Variants in DCC observed in about 807,000 individuals in gnomAD.
DCC encodes DCC netrin 1 receptor.
A neutral mutation model predicts 172.5 loss-of-function variants in DCC; 58 were observed. The ratio of observed to expected loss-of-function variants is 0.34; its 90% confidence interval spans 0.27 to 0.42. DCC has a LOEUF of 0.42. DCC is among the 10% of genes least tolerant of loss of function. The probability of loss-of-function intolerance (pLI) is 1.00; values close to 1 mark genes in which losing one functional copy is unlikely to be tolerated. For missense variants in DCC, 1,740 were observed against 1,791.0 expected, an observed-to-expected ratio of 0.97 and a Z score of 0.51; for synonymous variants, 709 against 644.5, an observed-to-expected ratio of 1.10 and a Z score of -1.52.
intron 12 of DCC, among the ~76,000 whole-genome samples, chr18:53,250,315 A>G (rs866487575): frequency 1.3e-5 from 2 of 151,946 alleles, no homozygotes; most frequent in Non-Finnish European, 2.9e-5. Flanking sequence ...AAACTAATTT[A>G]AAAAAATGAG....
At chr18:53,428,384 T>TTAC (rs1491319523) in intron 21 of DCC, among the ~76,000 whole-genome samples, 1 of 87,364 alleles carries the variant, frequency 1.1e-5, no homozygotes, top group African/African-American at 4.6e-5. Context: ...TATAATATAT[T>TTAC]GTATATAATA....
At chr18:52,342,929 C>T (rs962045284) in intron 1 of DCC, among the ~76,000 whole-genome samples, 1 of 152,092 alleles carries the variant, frequency 6.6e-6, no homozygotes, top group African/African-American at 2.4e-5. Flanking sequence ...TGTATTACTG[C>T]TTCATTTTAA....
At chr18:53,308,452 A>G (rs565117440) in intron 13 of DCC, among the ~76,000 whole-genome samples, 1 of 146,278 alleles carries the variant, frequency 6.8e-6, no homozygotes, top group Admixed American at 6.7e-5. Flanking sequence ...ATGAAAAACA[A>G]TAAGTTAAAA....
At chr18:52,715,282 C>A (rs1214151047) in intron 1 of DCC, among the ~76,000 whole-genome samples, 1 of 106,152 alleles carries the variant, frequency 9.4e-6, no homozygotes, top group African/African-American at 3.7e-5. Context: ...AAAAACACTA[C>A]ATTTTTTCTT....
At chr18:53,149,645 T>C (rs1164679292) in intron 7 of DCC, among the ~76,000 whole-genome samples, 1 of 152,224 alleles carries the variant, frequency 6.6e-6, no homozygotes, top group Non-Finnish European at 1.5e-5. Context: ...TATATGTTTT[T>C]ACATACCTAC....
intron 2 of DCC, among the ~76,000 whole-genome samples, chr18:52,780,996 GA>G (rs1229474300): frequency 2.6e-5 from 4 of 151,798 alleles, no homozygotes; most frequent in Admixed American, 2.0e-4. Flanking sequence ...AGATTAACAA[GA>G]AAAAAAGCAG....
intron 23 of DCC, among the ~76,000 whole-genome samples, chr18:53,457,351 G>A (rs2045495836): frequency 6.6e-6 from 1 of 152,092 alleles, no homozygotes; most frequent in African/African-American, 2.4e-5. Context: ...TGTAAGCAAG[G>A]GGAAACCAGA....
At chr18:52,949,448 A>C (rs906584057) in intron 5 of DCC, among the ~76,000 whole-genome samples, 1 of 152,210 alleles carries the variant, frequency 6.6e-6, no homozygotes, top group African/African-American at 2.4e-5. Context: ...AACAGTTTGA[A>C]TACTCAAGGT....
chr18:53,111,062 T>A (rs2043322850), intron 7 of DCC, among the ~76,000 whole-genome samples: 1 of 146,122 alleles, frequency 6.8e-6, no homozygotes, highest in Non-Finnish European at 1.5e-5. Flanking sequence ...TGGAATACTA[T>A]GCAGCCATAA....
At chr18:52,391,500 C>G (rs538598406) in intron 1 of DCC, among the ~76,000 whole-genome samples, 2 of 151,986 alleles carry the variant, frequency 1.3e-5, no homozygotes, top group African/African-American at 4.8e-5. Flanking sequence ...ATAAGAGAAC[C>G]AGAAGGAATT....
intron 1 of DCC, among the ~76,000 whole-genome samples, chr18:52,389,325 A>G (rs1359399308): frequency 6.6e-6 from 1 of 152,164 alleles, no homozygotes; most frequent in Non-Finnish European, 1.5e-5. Flanking sequence ...AATTTTTAGT[A>G]TATCTCAAAT....
intron 10 of DCC, among the ~76,000 whole-genome samples, chr18:53,206,347 GTA>G (rs1397354083): frequency 3.7e-5 from 1 of 26,918 alleles, no homozygotes; most frequent in Non-Finnish European, 7.0e-5. Context: ...ATGTATATAT[GTA>G]TATATACATA....
At chr18:52,610,407 A>G (rs1384815869) in intron 1 of DCC, among the ~76,000 whole-genome samples, 1 of 130,032 alleles carries the variant, frequency 7.7e-6, no homozygotes. Context: ...AAAAAAAAAA[A>G]GAAAAAGAAA....
At chr18:52,935,900 A>C (rs2040374457) in intron 5 of DCC, among the ~76,000 whole-genome samples, 1 of 152,202 alleles carries the variant, frequency 6.6e-6, no homozygotes, top group East Asian at 1.9e-4. Context: ...GCAGTCCTTA[A>C]ATTTTACATA....
At chr18:53,529,024 TCTCTCTCTCTCTCTCACA>T (rs1265403918) in intron 28 of DCC, among the ~76,000 whole-genome samples, 96 of 83,050 alleles carry the variant, frequency 1.2e-3, no homozygotes, top group East Asian at 4.6e-3. Context: ...TCTCTCTCTC[TCTCTCTCTCTCTCTCACA>T]CACACACACA....
chr18:52,912,816 A>G (rs1187970972), intron 3 of DCC, among the ~76,000 whole-genome samples: 1 of 152,002 alleles, frequency 6.6e-6, no homozygotes, highest in Non-Finnish European at 1.5e-5. Context: ...ATTTCACTCC[A>G]TACTCACCCT....
chr18:53,263,160 T>G (rs1002575459), intron 12 of DCC, among the ~76,000 whole-genome samples: 2 of 152,162 alleles, frequency 1.3e-5, no homozygotes, highest in African/African-American at 4.8e-5. Flanking sequence ...TTTGTTTTAT[T>G]TTATTTTTTG....
At chr18:53,201,777 T>A (rs1161225166) in intron 9 of DCC, among the ~76,000 whole-genome samples, 2 of 152,176 alleles carry the variant, frequency 1.3e-5, no homozygotes, top group Non-Finnish European at 2.9e-5. Flanking sequence ...AGTCTCCTTT[T>A]TGGAACATAG....
intron 25 of DCC, 103 bp from the exon 26 acceptor site, chr18:53,486,694 A>T: frequency 6.8e-7 from 1 of 1,469,456 alleles, no homozygotes; most frequent in Admixed American, 1.7e-5. Flanking sequence ...TACTATGAAG[A>T]GTGTGTATAG....
Sources: gnomAD v4.1 joint callset for allele counts (sites outside exome capture counted in the v4.1 genomes callset) on GRCh38, gnomAD v4.1.1 for gene constraint, MANE v1.5 for transcripts, NCBI Gene and HGNC (gene_info 2026-07-23, HGNC 2026-07-21) for gene names.